Variants in MUC7 observed in about 807,000 individuals in gnomAD.
The protein encoded by MUC7 is mucin 7, secreted.
In MUC7, 2 loss-of-function variants were observed where a neutral mutation model predicts 2.5. The ratio of observed to expected loss-of-function variants is 0.81; its 90% CI spans 0.33 to 2.55. The LOEUF (loss-of-function observed/expected upper bound fraction) is 2.55, where lower values mean the gene tolerates loss of function less well. Among genes scored for constraint, MUC7 ranks in the 30% most tolerant of loss-of-function variants. The pLI, the probability that MUC7 is intolerant of heterozygous loss-of-function variation, is 0.11. For synonymous variants in MUC7, 133 were observed against 173.4 expected, an observed-to-expected ratio of 0.77 and a Z score of 1.83; for missense variants, 408 against 455.6, an observed-to-expected ratio of 0.90 and a Z score of 0.95.
chr4:70,453,932 C>T (rs1029972958), intron 1 of MUC7, among the ~76,000 whole-genome samples: 4 of 152,102 alleles, frequency 2.6e-5, no homozygotes, highest in Non-Finnish European at 4.4e-5. Flanking sequence ...TGTCTAGAAA[C>T]GTTGTCCAGG....
upstream of MUC7, among the ~76,000 whole-genome samples, chr4:70,468,198 A>G (rs1186478493): frequency 2.6e-5 from 4 of 152,234 alleles, no homozygotes; most frequent in African/African-American, 9.6e-5. Flanking sequence ...CTTTGATAAA[A>G]TTAAACACCC....
intron 2 of MUC7, among the ~76,000 whole-genome samples, chr4:70,480,361 A>T (rs1735129651): frequency 6.6e-6 from 1 of 152,154 alleles, no homozygotes; most frequent in South Asian, 2.1e-4. Flanking sequence ...ATGATGGTAG[A>T]TATGAGGGGT....
chr4:70,453,642 G>A (rs1734346290), intron 1 of MUC7, among the ~76,000 whole-genome samples: 2 of 151,748 alleles, frequency 1.3e-5, no homozygotes, highest in South Asian at 2.1e-4. Flanking sequence ...GGTATGTAAG[G>A]TGCAAGACAA....
At chr4:70,439,617 T>A (rs115799134) in intron 1 of MUC7, among the ~76,000 whole-genome samples, 109 of 152,118 alleles carry the variant, frequency 7.2e-4, no homozygotes, top group Middle Eastern at 3.4e-3. Flanking sequence ...TATCTTAAAG[T>A]GTTATGTTAT....
chr4:70,432,922 G>A (rs1577894871), intron 1 of MUC7, among the ~76,000 whole-genome samples: 1 of 152,132 alleles, frequency 6.6e-6, no homozygotes, highest in African/African-American at 2.4e-5. Context: ...TGTAAGGAAG[G>A]GATCCAGTTT....
intron 1 of MUC7, among the ~76,000 whole-genome samples, chr4:70,439,819 A>T (rs956265824): frequency 6.6e-6 from 1 of 152,114 alleles, no homozygotes; most frequent in Non-Finnish European, 1.5e-5. Context: ...ATTAGAATTT[A>T]AAAATTATTA....
chr4:70,459,193 A>G (rs1734486693), intron 1 of MUC7, among the ~76,000 whole-genome samples: 1 of 152,204 alleles, frequency 6.6e-6, no homozygotes, highest in South Asian at 2.1e-4. Context: ...TCAAACAAAA[A>G]TAATTGACTG....
At chr4:70,452,465 T>G (rs1734302823) in intron 1 of MUC7, among the ~76,000 whole-genome samples, 1 of 152,072 alleles carries the variant, frequency 6.6e-6, no homozygotes, top group African/African-American at 2.4e-5. Flanking sequence ...ACAAATAATA[T>G]CATATAACCC....
intron 1 of MUC7, among the ~76,000 whole-genome samples, chr4:70,439,138 G>A (rs1251309185): frequency 7.2e-5 from 11 of 152,060 alleles, no homozygotes; most frequent in Admixed American, 5.9e-4. Context: ...GTTTAGATTG[G>A]GTGTTTCAAA....
intron 1 of MUC7, among the ~76,000 whole-genome samples, chr4:70,465,115 G>C (rs1024088246): frequency 2.0e-5 from 3 of 152,208 alleles, no homozygotes; most frequent in African/African-American, 4.8e-5. Flanking sequence ...ACAGGGTCTG[G>C]AGTGGACATC....
At chr4:70,479,853 T>A (rs1735115420) in intron 2 of MUC7, among the ~76,000 whole-genome samples, 1 of 152,212 alleles carries the variant, frequency 6.6e-6, no homozygotes, top group South Asian at 2.1e-4. Context: ...ATGGAAATCT[T>A]CATGAAGAAA....
At chr4:70,447,345 A>G (rs1734171316) in intron 1 of MUC7, among the ~76,000 whole-genome samples, 1 of 152,192 alleles carries the variant, frequency 6.6e-6, no homozygotes, top group African/African-American at 2.4e-5. Context: ...ATGAGAGCTC[A>G]TTAAATGTTG....
chr4:70,431,854 C>T lies in MUC7; in HGVS notation c.-93+1167C>T, dbSNP rs1221202872. 2.0e-5 allele frequency among the ~76,000 whole-genome samples: 3 copies of T among 152,042 alleles called. No homozygotes were observed. In the East Asian group the frequency reaches 5.8e-4, roughly 29 times the overall value. ...TGTTGGTGTGCTGCACCCATTAACT[C>T]GTCAGTAACATTAGGTATATCTCCT... On this transcript the variant is annotated intron_variant, in intron 1 of 3. Coordinates refer to the MUC7 transcript ENST00000413702.
chr4:70,433,166 T>C (rs34217518), intron 1 of MUC7, among the ~76,000 whole-genome samples: 14,471 of 152,252 alleles, frequency 0.095, 925 homozygotes, highest in African/African-American at 0.17. Context: ...GGTAGCATGA[T>C]GCCTCCAGCT....
At chr4:70,452,735 C>A (rs1734309900) in intron 1 of MUC7, among the ~76,000 whole-genome samples, 1 of 152,172 alleles carries the variant, frequency 6.6e-6, no homozygotes, top group Non-Finnish European at 1.5e-5. Flanking sequence ...ATCACAATTA[C>A]AGTGTTACAA....
chr4:70,454,038 A>G (rs1734355939), intron 1 of MUC7, among the ~76,000 whole-genome samples: 1 of 151,284 alleles, frequency 6.6e-6, no homozygotes, highest in Non-Finnish European at 1.5e-5. Flanking sequence ...AATCCTCTTT[A>G]CTCTTCCCCT....
intron 1 of MUC7, among the ~76,000 whole-genome samples, chr4:70,433,144 A>G: frequency 6.6e-6 from 1 of 152,152 alleles, no homozygotes; most frequent in East Asian, 1.9e-4. Context: ...CTTGTAGTAA[A>G]GTTTGAAGTC....
intron 1 of MUC7, among the ~76,000 whole-genome samples, chr4:70,442,233 A>G (rs937775676): frequency 6.6e-6 from 1 of 152,020 alleles, no homozygotes; most frequent in African/African-American, 2.4e-5. Context: ...GCATCAACAT[A>G]CTCTTTTTGC....
rs766992719 is a variant in MUC7, at chr4:70,481,654, A to G, written c.910A>G (p.Thr304Ala). Reference sequence around the variant, plus strand: ...GTCTTCCCCAGCTCCACAAGAGACCACAGCTGCCCCAATTACCACACCTAA... The same window carrying G: ...GTCTTCCCCAGCTCCACAAGAGACCGCAGCTGCCCCAATTACCACACCTAA... ...PPSSPAPQET[T>A]AAPITTPNSS... is the part of the protein sequence containing the mutation. Residue 304 changes from threonine (T) to alanine (A), a missense_variant, in exon 3 of 3, where the codon ACA becomes GCA. Physicochemically the swap from Thr to Ala is moderately conservative, Grantham distance 58. This residue lies in a region of MUC7 where 175 missense variants were observed against 187.1 expected (regional missense o/e 0.94). Coordinates refer to ENST00000304887, the MANE Select transcript of MUC7 (RefSeq NM_152291.3). 6.2e-7 allele frequency: 1 copy of G among 1,614,142 alleles called. No individual in the cohort carries two copies. Among genetic ancestry groups the G allele is most frequent in the Non-Finnish European group, 8.5e-7 (1 of 1,180,026 alleles).
Sources: allele counts gnomAD v4.1 joint callset (sites outside exome capture counted in the v4.1 genomes callset), GRCh38; gene constraint gnomAD v4.1.1; regional missense constraint gnomAD v4.1.1; transcripts MANE v1.5; gene names NCBI Gene and HGNC (gene_info 2026-07-23, HGNC 2026-07-21).